XKR6: variants seen among roughly 807,000 people sequenced by gnomAD.
The protein encoded by XKR6 is XK-related protein 6.
In XKR6, 22 loss-of-function variants were observed where a neutral mutation model predicts 56.7. The observed-to-expected ratio is 0.39, with a 90% confidence interval of 0.28 to 0.55. XKR6 has a LOEUF of 0.55. XKR6 is among the 20% of genes least tolerant of loss of function. XKR6 has a pLI of 0.66. For missense variants in XKR6, 852 were observed against 889.0 expected (o/e 0.96, Z 0.53); for synonymous variants, 524 against 387.8 (o/e 1.35, Z -4.13).
intron 1 of XKR6, among the ~76,000 whole-genome samples, chr8:11,112,861 T>C (rs186073447): frequency 6.6e-6 from 1 of 152,202 alleles, no homozygotes; most frequent in Non-Finnish European, 1.5e-5. Flanking sequence ...GCCACATACA[T>C]GAAGAAAAAG....
intron 1 of XKR6, among the ~76,000 whole-genome samples, chr8:11,120,692 A>T (rs1223168759): frequency 6.6e-6 from 1 of 152,150 alleles, no homozygotes. Flanking sequence ...ACTACTTTAA[A>T]GCTCATATGG....
At chr8:10,926,374 C>G (rs1800884836) in intron 1 of XKR6, among the ~76,000 whole-genome samples, 1 of 152,074 alleles carries the variant, frequency 6.6e-6, no homozygotes, top group Non-Finnish European at 1.5e-5. Flanking sequence ...GCAGTAAGCC[C>G]CGCTCACCAA....
intron 1 of XKR6, among the ~76,000 whole-genome samples, chr8:11,186,399 A>C (rs887903851): frequency 2.0e-5 from 3 of 152,120 alleles, no homozygotes; most frequent in African/African-American, 7.2e-5. Context: ...TTTGAGAGAC[A>C]GAGAGAGAGT....
At chr8:11,108,294 T>C (rs1165412988) in intron 1 of XKR6, 6 of 456,164 alleles carry the variant, frequency 1.3e-5, no homozygotes, top group South Asian at 7.8e-5. Flanking sequence ...TTCCTGAAAA[T>C]CTGCTGCAGA....
At chr8:10,965,579 G>A (rs1327369318) in intron 1 of XKR6, among the ~76,000 whole-genome samples, 1 of 152,208 alleles carries the variant, frequency 6.6e-6, no homozygotes, top group Non-Finnish European at 1.5e-5. Flanking sequence ...TGTGGGACGG[G>A]CTCCCGATTC....
chr8:11,016,777 G>T (rs1460163505), intron 1 of XKR6, among the ~76,000 whole-genome samples: 1 of 152,140 alleles, frequency 6.6e-6, no homozygotes, highest in South Asian at 2.1e-4. Flanking sequence ...GAGCCGGCGC[G>T]TCCTTGCTCC....
In XKR6 at chr8:11,086,157, T is replaced by TTTTAA. The variant is rs1491345169; in HGVS notation, c.764+114418_764+114419insTTAAA. On this transcript the variant is annotated intron_variant, in intron 1 of 2. Transcript: ENST00000416569. ...AAATATATATATATATATTTTTTTT[T>TTTTAA]AAAAAAAACAAGCATAATTCATAAT... Among the ~76,000 whole-genome samples the TTTTAA allele has an allele frequency of 5.2e-4, 77 of 148,024 alleles. 1 individual carries two copies. Among genetic ancestry groups the TTTTAA allele is most frequent in the African/African-American group, 1.8e-3 (73 of 39,916 alleles).
At chr8:11,088,556 T>A (rs1056841485) in intron 1 of XKR6, among the ~76,000 whole-genome samples, 3 of 152,024 alleles carry the variant, frequency 2.0e-5, no homozygotes, top group Non-Finnish European at 4.4e-5. Context: ...ATGGCCAGAG[T>A]AGGACCTAAC....
chr8:10,961,895 G>A (rs567823588), intron 1 of XKR6, among the ~76,000 whole-genome samples: 1 of 152,320 alleles, frequency 6.6e-6, no homozygotes, highest in East Asian at 1.9e-4. Flanking sequence ...AGAGGCCCAA[G>A]AATCATTGTT....
intron 1 of XKR6, among the ~76,000 whole-genome samples, chr8:10,996,504 T>A (rs1798116494): frequency 1.3e-5 from 2 of 152,060 alleles, no homozygotes; most frequent in South Asian, 4.1e-4. Context: ...AGAAAGAAAA[T>A]TTTCCCAATT....
chr8:10,990,895 CTTTTT>C (rs59410799), intron 1 of XKR6, among the ~76,000 whole-genome samples: 38 of 73,598 alleles, frequency 5.2e-4, no homozygotes, highest in African/African-American at 1.8e-3. Context: ...TGGGGAATGT[CTTTTT>C]TTTTTTTTTT....
intron 1 of XKR6, among the ~76,000 whole-genome samples, chr8:10,965,189 A>G (rs534525662): frequency 6.6e-6 from 1 of 152,308 alleles, no homozygotes; most frequent in East Asian, 1.9e-4. Flanking sequence ...GTCCTTCTTA[A>G]GTCCTTCCTT....
chr8:10,985,240 T>A lies in XKR6; in HGVS notation c.765-60410A>T, dbSNP rs865936572. On this transcript the variant is annotated intron_variant, in intron 1 of 2. Transcript: ENST00000416569. ...GACCTGGTGGGAGGTAATTGAATCATGGGGGCAGGTCTTTCCTGTGTGGTT... is the reference window on the plus strand; with the variant it reads ...GACCTGGTGGGAGGTAATTGAATCAAGGGGGCAGGTCTTTCCTGTGTGGTT... Among the ~76,000 whole-genome samples, 3 of 152,146 alleles carry A rather than the reference T, an allele frequency of 2.0e-5. No individual in the cohort carries two copies. The South Asian group carries it at 6.2e-4, about 32-fold the overall frequency.
At chr8:11,055,199 A>C (rs1460556758) in intron 1 of XKR6, among the ~76,000 whole-genome samples, 1 of 152,202 alleles carries the variant, frequency 6.6e-6, no homozygotes, top group Non-Finnish European at 1.5e-5. Flanking sequence ...CTCTGATGAC[A>C]ACAAAGAAAG....
intron 1 of XKR6, among the ~76,000 whole-genome samples, chr8:11,091,190 G>A (rs1158824641): frequency 6.6e-6 from 1 of 152,312 alleles, no homozygotes; most frequent in East Asian, 1.9e-4. Context: ...CAGCACTTGG[G>A]AGAGACAAGG....
At chr8:11,120,758 G>C (rs1162305914) in intron 1 of XKR6, among the ~76,000 whole-genome samples, 2 of 152,162 alleles carry the variant, frequency 1.3e-5, no homozygotes, top group Non-Finnish European at 2.9e-5. Flanking sequence ...AACAAAGCTG[G>C]AGGTATCACA....
chr8:11,151,837 G>A (rs1167305714), intron 1 of XKR6, among the ~76,000 whole-genome samples: 1 of 152,036 alleles, frequency 6.6e-6, no homozygotes. Context: ...TCAGCAAGGG[G>A]AAGAACAATT....
intron 1 of XKR6, among the ~76,000 whole-genome samples, chr8:11,011,912 G>C (rs1798508747): frequency 6.6e-6 from 1 of 152,220 alleles, no homozygotes; most frequent in Admixed American, 6.5e-5. Context: ...GGCAGCTCAG[G>C]TGTGCACCTG....
intron 1 of XKR6, among the ~76,000 whole-genome samples, chr8:11,165,090 C>CCT (rs762270947): frequency 2.1e-4 from 17 of 82,508 alleles, no homozygotes; most frequent in African/African-American, 8.3e-4. Context: ...AGGCTATCAC[C>CCT]TTTTTTTTTT....
Sources: gnomAD v4.1 joint callset for allele counts (sites outside exome capture counted in the v4.1 genomes callset) on GRCh38, gnomAD v4.1.1 for gene constraint, MANE v1.5 for transcripts, NCBI Gene and HGNC (gene_info 2026-07-23, HGNC 2026-07-21) for gene names.